Variants in KIF13A observed in about 807,000 individuals in gnomAD.
The protein encoded by KIF13A is kinesin family member 13A, also known as kinesin-like protein KIF13A.
In KIF13A, 79 loss-of-function variants were observed where a neutral mutation model predicts 212.2. The observed-to-expected ratio is 0.37, with a 90% CI of 0.31 to 0.45. The LOEUF (loss-of-function observed/expected upper bound fraction) is 0.45, where lower values mean the gene tolerates loss of function less well. Ranked by LOEUF, KIF13A falls within the 20% of genes least tolerant of loss-of-function variation. KIF13A has a pLI of 1.00. For missense variants in KIF13A, 1,901 were observed against 2,209.0 expected (o/e 0.86, Z 2.79); for synonymous variants, 789 against 808.6 (o/e 0.98, Z 0.41).
rs10666115 is a variant in KIF13A at position 17,792,196 on chromosome 6, C to CAAAAAAAAAAAAAA, written c.3222+2039_3222+2052dup. Among the ~76,000 whole-genome samples, 3 of 75,112 alleles carry CAAAAAAAAAAAAAA rather than the reference C, an allele frequency of 4.0e-5. 1 individual carries two copies. Among genetic ancestry groups the CAAAAAAAAAAAAAA allele is most frequent in the African/African-American group, 1.1e-4 (2 of 18,198 alleles). The allele number at this position is 75,112 out of a possible 152,430, so 49.3% of individuals were successfully genotyped here. ...CCAGCCTAGGGGACAGAGTGAGACTCAAAAAAAAAAAAAAAAAAAAAGCAG... is the reference window on the plus strand; with the variant it reads ...CCAGCCTAGGGGACAGAGTGAGACTCAAAAAAAAAAAAAAAAAAAAAAAAAAAAAAAAAAAGCAG... On this transcript the variant is annotated intron_variant, in intron 25 of 38. Coordinates refer to ENST00000259711, the MANE Select transcript of KIF13A (RefSeq NM_022113.6).
chr6:17,960,827 G>C (rs912402980), intron 2 of KIF13A, among the ~76,000 whole-genome samples: 1 of 152,136 alleles, frequency 6.6e-6, no homozygotes, highest in Non-Finnish European at 1.5e-5. Context: ...AAATGAGCTG[G>C]GAAGAAGCCC....
chr6:17,942,393 A>G (rs1777031646), intron 2 of KIF13A, among the ~76,000 whole-genome samples: 1 of 151,924 alleles, frequency 6.6e-6, no homozygotes, highest in Non-Finnish European at 1.5e-5. Flanking sequence ...TTGCCACACC[A>G]GAACAATCTG....
At chr6:17,887,340 AG>A (rs1242355809) in intron 3 of KIF13A, among the ~76,000 whole-genome samples, 3 of 152,208 alleles carry the variant, frequency 2.0e-5, no homozygotes, top group Non-Finnish European at 4.4e-5. Context: ...TGAACATTTA[AG>A]GTTGTTACTG....
intron 2 of KIF13A, among the ~76,000 whole-genome samples, chr6:17,983,065 C>T (rs1781229011): frequency 6.7e-6 from 1 of 150,126 alleles, no homozygotes; most frequent in African/African-American, 2.5e-5. Flanking sequence ...CCCAGCTACT[C>T]GGGAGGCTGA....
chr6:17,800,147 C>A, intron 20 of KIF13A, 34 bp from the exon 21 acceptor site: 1 of 1,600,214 alleles, frequency 6.2e-7, no homozygotes, highest in Non-Finnish European at 8.5e-7. Flanking sequence ...TTAGAGTGAA[C>A]AGACATCCTG....
intron 2 of KIF13A, among the ~76,000 whole-genome samples, chr6:17,983,848 C>T (rs1434244177): frequency 3.3e-5 from 5 of 152,154 alleles, no homozygotes; most frequent in Admixed American, 3.3e-4. Flanking sequence ...TACAAGCACC[C>T]AGAAGCAATG....
chr6:17,950,981 C>T, intron 2 of KIF13A: 1 of 975,826 alleles, frequency 1.0e-6, no homozygotes. Context: ...AAAATAATTT[C>T]TCAAATGAAT....
downstream of KIF13A, chr6:17,761,000 C>G (rs1020014969): frequency 4.4e-6 from 4 of 915,128 alleles, no homozygotes; most frequent in African/African-American, 1.6e-5. Flanking sequence ...AAGGGACCCA[C>G]AGGATTGGTT....
rs1032924137 is a variant in KIF13A, at chr6:17,776,035, T to C, written c.4171-973A>G. Reference sequence around the variant, plus strand: ...CTGGGATTACAGGCACCTGCCACGATGCCCAGCTAATTTTGTATTTTTAGT... The same window carrying C: ...CTGGGATTACAGGCACCTGCCACGACGCCCAGCTAATTTTGTATTTTTAGT... On this transcript the variant is annotated intron_variant, in intron 34 of 38. Coordinates refer to ENST00000259711, the MANE Select transcript of KIF13A (RefSeq NM_022113.6). The surrounding 1 kb of genome is among the most constrained non-coding windows in gnomAD (Gnocchi z 4.6). 6.6e-6 allele frequency among the ~76,000 whole-genome samples: 1 copy of C among 152,036 alleles called. No individual in the cohort carries two copies. The highest frequency in any genetic ancestry group is 2.4e-5 in the African/African-American group (1 of 41,410).
chr6:17,773,718 A>G lies in KIF13A; in HGVS notation c.4219-135T>C. 2.0e-6 allele frequency: 1 copy of G among 498,970 alleles called. No individual in the cohort carries two copies. Among genetic ancestry groups the G allele is most frequent in the Non-Finnish European group, 3.5e-6 (1 of 281,890 alleles). 30.9% of individuals were successfully genotyped at this position (498,970 alleles called of 1,614,324 possible). Reference sequence around the variant, plus strand: ...TTATTTTTATTATGATTTATTTCAAATATACAGAAAGGGCTGAATATCGTA... The same window carrying G: ...TTATTTTTATTATGATTTATTTCAAGTATACAGAAAGGGCTGAATATCGTA... On this transcript the variant is annotated intron_variant, in intron 35 of 38. Transcript: ENST00000259711. The surrounding 1 kb of genome is among the most constrained non-coding windows in gnomAD (Gnocchi z 4.2).
chr6:17,943,631 C>T (rs756491177), intron 2 of KIF13A, among the ~76,000 whole-genome samples: 7 of 152,128 alleles, frequency 4.6e-5, no homozygotes, highest in Non-Finnish European at 1.0e-4. Flanking sequence ...TGCTGCTGAT[C>T]TGGGAAGCAC....
chr6:17,792,196 CAA>C (rs10666115), intron 25 of KIF13A, among the ~76,000 whole-genome samples: 3 of 75,110 alleles, frequency 4.0e-5, no homozygotes, highest in Admixed American at 1.9e-4. Context: ...GAGTGAGACT[CAA>C]AAAAAAAAAA....
chr6:17,814,476 T>G (rs1399106899), intron 17 of KIF13A, among the ~76,000 whole-genome samples: 1 of 151,976 alleles, frequency 6.6e-6, no homozygotes, highest in Non-Finnish European at 1.5e-5. Flanking sequence ...CTTGAACTCC[T>G]GACCTCATGA....
chr6:17,887,926 G>A (rs577076067), intron 3 of KIF13A, among the ~76,000 whole-genome samples: 4 of 149,242 alleles, frequency 2.7e-5, no homozygotes, highest in Non-Finnish European at 4.4e-5. Context: ...GGCTGGTCTC[G>A]AACTCCTGAC....
At chr6:17,876,464 C>T (rs116361246) in intron 3 of KIF13A, among the ~76,000 whole-genome samples, 378 of 152,230 alleles carry the variant, frequency 2.5e-3, no homozygotes, top group African/African-American at 8.9e-3. Context: ...AGGCCCAGTT[C>T]GATACATTTT....
At position 17,967,997 on chromosome 6, in the gene KIF13A, C is replaced by T. The variant is rs949160610; in HGVS notation, c.146+19057G>A. On this transcript the variant is annotated intron_variant, in intron 2 of 38. Transcript: ENST00000259711. The surrounding 1 kb of genome is among the most constrained non-coding windows in gnomAD (Gnocchi z 4.1). ...TAGACTGCCATTTTCACATGACTTC[C>T]ATTCCAATGTACATTCTTGGACGGC... Among the ~76,000 whole-genome samples, 1 of 152,164 alleles carries T rather than the reference C, an allele frequency of 6.6e-6. No individual in the cohort carries two copies. The highest frequency in any genetic ancestry group is 2.4e-5 in the African/African-American group (1 of 41,422).
At chr6:17,976,673 C>T (rs981997739) in intron 2 of KIF13A, among the ~76,000 whole-genome samples, 1 of 152,166 alleles carries the variant, frequency 6.6e-6, no homozygotes, top group Non-Finnish European at 1.5e-5. Flanking sequence ...TCAAGTGCCG[C>T]CAAAGTGGGA....
rs1443343199 is a variant in KIF13A, at chr6:17,967,299, T to A, written c.146+19755A>T. On this transcript the variant is annotated intron_variant, in intron 2 of 38. Coordinates refer to ENST00000259711, the MANE Select transcript of KIF13A (RefSeq NM_022113.6). The surrounding 1 kb of genome is among the most constrained non-coding windows in gnomAD (Gnocchi z 4.1). ...CTCAGTAGTTATTCACTCAGTGGTA[T>A]AAACTACCAAGCACAGAAAAAGGAA... Among the ~76,000 whole-genome samples the A allele has an allele frequency of 1.3e-5, 2 of 152,192 alleles. No homozygotes were observed. Among genetic ancestry groups the A allele is most frequent in the Non-Finnish European group, 2.9e-5 (2 of 68,046 alleles).
Position 17,845,890 on chromosome 6 carries a change from C to A in KIF13A, c.830+3487G>T, listed in dbSNP as rs548025141. Among the ~76,000 whole-genome samples, 299 of 152,290 alleles carry A rather than the reference C, an allele frequency of 2.0e-3. 1 individual carries two copies. The highest frequency in any genetic ancestry group is 0.014 in the Middle Eastern group (4 of 294). On this transcript the variant is annotated intron_variant, in intron 9 of 38. Coordinates refer to ENST00000259711, the MANE Select transcript of KIF13A (RefSeq NM_022113.6). Reference sequence around the variant, plus strand: ...AGGAGACATGAAGTTCCTAAATCCACAGCCCATTAAGCAGACACTGACGTT... The same window carrying A: ...AGGAGACATGAAGTTCCTAAATCCAAAGCCCATTAAGCAGACACTGACGTT...
Sources: allele counts gnomAD v4.1 joint callset (sites outside exome capture counted in the v4.1 genomes callset), GRCh38; gene constraint gnomAD v4.1.1; non-coding constraint Gnocchi (gnomAD v3.1); transcripts MANE v1.5; gene names NCBI Gene and HGNC (gene_info 2026-07-23, HGNC 2026-07-21).